The following NR3C2 variants were observed in gnomAD, a reference collection of about 807,000 sequenced individuals.
NR3C2 encodes nuclear receptor subfamily 3 group C member 2, also known as mineralocorticoid receptor.
NR3C2 carries 15 observed loss-of-function variants against 86.4 expected under a neutral mutation model. The observed-to-expected ratio is 0.17, with a 90% CI of 0.12 to 0.27. The LOEUF (loss-of-function observed/expected upper bound fraction) is 0.27, where lower values mean the gene tolerates loss of function less well. NR3C2 is among the 10% of genes least tolerant of loss of function. The pLI is 1.00. For missense variants in NR3C2, 960 were observed against 1,195.6 expected, an observed-to-expected ratio of 0.80 and a Z score of 2.91; for synonymous variants, 458 against 450.5, an observed-to-expected ratio of 1.02 and a Z score of -0.21.
chr4:148,102,450 A>G (rs981299466), intron 8 of NR3C2, among the ~76,000 whole-genome samples: 6 of 152,010 alleles, frequency 3.9e-5, no homozygotes, highest in African/African-American at 1.4e-4. Flanking sequence ...CCCCCCTCCC[A>G]GATCTCCTGG....
chr4:148,157,353 C>T (rs1209624416), intron 4 of NR3C2, among the ~76,000 whole-genome samples: 1 of 151,836 alleles, frequency 6.6e-6, no homozygotes, highest in Non-Finnish European at 1.5e-5. Flanking sequence ...CTTACTAATG[C>T]CAGGCACTGT....
At chr4:148,165,957 G>A (rs1160516828) in intron 4 of NR3C2, among the ~76,000 whole-genome samples, 1 of 152,216 alleles carries the variant, frequency 6.6e-6, no homozygotes, top group Non-Finnish European at 1.5e-5. Context: ...TGCCATGCAA[G>A]TTGGAGGGCA....
chr4:148,209,647 A>G (rs965239830), intron 3 of NR3C2, among the ~76,000 whole-genome samples: 7 of 152,144 alleles, frequency 4.6e-5, no homozygotes, highest in Non-Finnish European at 1.0e-4. Context: ...CATTTCAGTC[A>G]CTCGTAAAAG....
intron 2 of NR3C2, among the ~76,000 whole-genome samples, chr4:148,434,551 T>C (rs1450819389): frequency 2.6e-5 from 4 of 152,196 alleles, no homozygotes; most frequent in African/African-American, 7.2e-5. Flanking sequence ...AATGATTTAT[T>C]TGTATTGAAA....
intron 2 of NR3C2, among the ~76,000 whole-genome samples, chr4:148,364,537 T>C (rs562830015): frequency 3.3e-4 from 51 of 152,364 alleles, no homozygotes; most frequent in African/African-American, 1.1e-3. Flanking sequence ...GCAGAATTCA[T>C]ATTAGATGCC....
At chr4:148,437,729 A>G (rs1385132349) in intron 1 of NR3C2, among the ~76,000 whole-genome samples, 4 of 152,202 alleles carry the variant, frequency 2.6e-5, no homozygotes, top group Admixed American at 2.0e-4. Context: ...AGGAGCCCCG[A>G]AAATTTAAGC....
intron 4 of NR3C2, among the ~76,000 whole-genome samples, chr4:148,157,533 G>A (rs1437339741): frequency 2.0e-5 from 3 of 152,002 alleles, no homozygotes; most frequent in South Asian, 2.1e-4. Flanking sequence ...CTTCATATGC[G>A]AATATGATGG....
chr4:148,086,081 C>T (rs1477478511), intron 8 of NR3C2, among the ~76,000 whole-genome samples: 1 of 152,174 alleles, frequency 6.6e-6, no homozygotes, highest in Non-Finnish European at 1.5e-5. Flanking sequence ...CCTTCTGAAA[C>T]TATTCCAAAC....
chr4:148,281,992 A>C (rs1376340785), intron 2 of NR3C2, among the ~76,000 whole-genome samples: 1 of 152,202 alleles, frequency 6.6e-6, no homozygotes, highest in Non-Finnish European at 1.5e-5. Context: ...TTAACATCTA[A>C]AAGTTTTCAT....
chr4:148,196,104 A>G (rs1325936963), intron 3 of NR3C2, among the ~76,000 whole-genome samples: 1 of 152,190 alleles, frequency 6.6e-6, no homozygotes, highest in East Asian at 1.9e-4. Flanking sequence ...GGGCTGGGTC[A>G]TTGTGGTAGC....
At chr4:148,350,226 G>C (rs1248986744) in intron 2 of NR3C2, among the ~76,000 whole-genome samples, 1 of 152,102 alleles carries the variant, frequency 6.6e-6, no homozygotes, top group Non-Finnish European at 1.5e-5. Context: ...TATAGAAGGA[G>C]GTCTGTTTTC....
At chr4:148,289,416 C>A (rs190624441) in intron 2 of NR3C2, among the ~76,000 whole-genome samples, 1 of 152,218 alleles carries the variant, frequency 6.6e-6, no homozygotes, top group Non-Finnish European at 1.5e-5. Flanking sequence ...GTCTGGTATG[C>A]TCAATACCTC....
chr4:148,435,709 G>A lies in NR3C2; in HGVS notation c.1152C>T (p.Ile384=), dbSNP rs749892598. ...FPKTEEVESA[I]SNGVTGQLNI... ...TAAGCTGGCCAGTCACACCATTTGA[G>A]ATGGCACTCTCTACTTCCTCAGTCT... Residue 384 remains isoleucine (I), a synonymous_variant, in exon 2 of 9, where the codon ATC becomes ATT. Coordinates refer to ENST00000358102, the MANE Select transcript of NR3C2 (RefSeq NM_000901.5). The A allele has an allele frequency of 8.1e-6, 13 of 1,614,070 alleles. No individual in the cohort carries two copies. The South Asian group carries it at 1.2e-4, about 15-fold the overall frequency.
intron 3 of NR3C2, among the ~76,000 whole-genome samples, chr4:148,245,433 C>CTG (rs1185055703): frequency 1.3e-5 from 2 of 152,174 alleles, no homozygotes; most frequent in African/African-American, 4.8e-5. Context: ...CTGTCCTTCA[C>CTG]TGTGTAACTA....
At chr4:148,178,679 G>T (rs759288696) in intron 4 of NR3C2, among the ~76,000 whole-genome samples, 4 of 151,334 alleles carry the variant, frequency 2.6e-5, no homozygotes, top group Non-Finnish European at 5.9e-5. Context: ...GTGAGGAAAG[G>T]GCAAGGGGTC....
chr4:148,223,722 T>C (rs1337395778), intron 3 of NR3C2, among the ~76,000 whole-genome samples: 1 of 152,172 alleles, frequency 6.6e-6, no homozygotes, highest in Admixed American at 6.6e-5. Context: ...TTAATAAGAC[T>C]CAGAGGCTGA....
rs148387779 is a variant in NR3C2, at chr4:148,329,531, C to T, written c.1758-69414G>A. 1.5e-3 allele frequency among the ~76,000 whole-genome samples: 230 copies of T among 151,944 alleles called. 1 individual carries two copies. The highest frequency in any genetic ancestry group is 0.011 in the East Asian group (58 of 5,178). On this transcript the variant is annotated intron_variant, in intron 2 of 8. Coordinates refer to ENST00000358102, the MANE Select transcript of NR3C2 (RefSeq NM_000901.5). ...TCTAAAACTTCACTGCCCTTTTTTC[C>T]ACAGTACATATTTTTCATTACAAGA...
At chr4:148,266,301 G>A (rs955781311) in intron 2 of NR3C2, among the ~76,000 whole-genome samples, 1 of 152,132 alleles carries the variant, frequency 6.6e-6, no homozygotes, top group Non-Finnish European at 1.5e-5. Context: ...TCGATATCTT[G>A]ACCTTGTAAT....
chr4:148,312,964 T>C (rs1303906518), intron 2 of NR3C2, among the ~76,000 whole-genome samples: 3 of 152,280 alleles, frequency 2.0e-5, no homozygotes, highest in East Asian at 3.9e-4. Flanking sequence ...GCTGTAAGCA[T>C]AGACAATAAA....
Sources: gnomAD v4.1 joint callset for allele counts (sites outside exome capture counted in the v4.1 genomes callset) on GRCh38, gnomAD v4.1.1 for gene constraint, MANE v1.5 for transcripts, NCBI Gene and HGNC (gene_info 2026-07-23, HGNC 2026-07-21) for gene names.